The following IMMP2L variants were observed in gnomAD, a reference collection of about 807,000 sequenced individuals.
The protein encoded by IMMP2L is inner mitochondrial membrane peptidase subunit 2.
IMMP2L carries 18 observed loss-of-function variants against 19.3 expected under a neutral mutation model. The ratio of observed to expected loss-of-function variants is 0.93; its 90% CI spans 0.64 to 1.38. The LOEUF (loss-of-function observed/expected upper bound fraction) is 1.38. Ranked by LOEUF, IMMP2L falls within the 40% of genes most tolerant of loss-of-function variation. The probability of loss-of-function intolerance (pLI) is 0.00; values close to 1 mark genes in which losing one functional copy is unlikely to be tolerated. For synonymous variants in IMMP2L, 76 were observed against 73.0 expected (o/e 1.04, Z -0.21); for missense variants, 233 against 218.2 (o/e 1.07, Z -0.43).
At chr7:111,030,884 GTATATATATATATATATATATA>G (rs57774530) in intron 3 of IMMP2L, among the ~76,000 whole-genome samples, 59 of 127,100 alleles carry the variant, frequency 4.6e-4, no homozygotes, top group Non-Finnish European at 6.4e-4. Context: ...GTGTGTGTGT[GTATATATATATATATATATATA>G]TATATATATA....
At chr7:110,873,787 A>T (rs1282105549) in intron 5 of IMMP2L, among the ~76,000 whole-genome samples, 1 of 151,928 alleles carries the variant, frequency 6.6e-6, no homozygotes, top group East Asian at 1.9e-4. Context: ...GGAAAAAAAA[A>T]AAAAAAAGAA....
chr7:110,745,574 A>G (rs367653501), intron 5 of IMMP2L, among the ~76,000 whole-genome samples: 54 of 152,366 alleles, frequency 3.5e-4, no homozygotes, highest in Non-Finnish European at 2.9e-5. Context: ...CCTACAAGCC[A>G]GAAGAGAGTG....
chr7:110,944,174 A>G (rs567318276), intron 4 of IMMP2L, among the ~76,000 whole-genome samples: 3 of 152,110 alleles, frequency 2.0e-5, no homozygotes, highest in South Asian at 2.1e-4. Flanking sequence ...GGCTCCAAAA[A>G]TAAGTCATTG....
At chr7:111,255,983 A>G (rs1816651153) in intron 3 of IMMP2L, among the ~76,000 whole-genome samples, 1 of 152,100 alleles carries the variant, frequency 6.6e-6, no homozygotes, top group South Asian at 2.1e-4. Context: ...AAAACTTTTC[A>G]AAGATATTTA....
chr7:110,921,808 C>T (rs981044819), intron 4 of IMMP2L, among the ~76,000 whole-genome samples: 1 of 152,126 alleles, frequency 6.6e-6, no homozygotes, highest in Non-Finnish European at 1.5e-5. Context: ...ATATAAATTG[C>T]TCTGGCACAA....
chr7:111,012,645 A>G (rs1360494080), intron 3 of IMMP2L, among the ~76,000 whole-genome samples: 1 of 152,198 alleles, frequency 6.6e-6, no homozygotes, highest in Admixed American at 6.6e-5. Context: ...CTATTTATAC[A>G]TTACATATGT....
chr7:111,127,665 C>A (rs1459947704), intron 3 of IMMP2L, among the ~76,000 whole-genome samples: 1 of 152,010 alleles, frequency 6.6e-6, no homozygotes, highest in African/African-American at 2.4e-5. Flanking sequence ...TCAAAGTACT[C>A]AAACCATTTA....
In IMMP2L at chr7:111,126,524, T is replaced by G. The variant is rs146639634; in HGVS notation, c.240-162959A>C. 5.3e-3 allele frequency among the ~76,000 whole-genome samples: 812 copies of G among 152,312 alleles called. 13 individuals are homozygous for G. Among genetic ancestry groups the G allele is most frequent in the African/African-American group, 0.019 (779 of 41,578 alleles). The stretch of plus-strand genomic sequence containing the variant: ...AAGAAACAATTAAGAATTTAATTTT[T>G]TAGTCCAGTCCTCTAAAAATATATT... On this transcript the variant is annotated intron_variant, in intron 3 of 5. Transcript: ENST00000405709.
Position 110,760,752 on chromosome 7 carries a change from A to T in IMMP2L, c.409-97031T>A, listed in dbSNP as rs918777348. Among the ~76,000 whole-genome samples, 3 of 152,130 alleles carry T rather than the reference A, an allele frequency of 2.0e-5. No individual in the cohort carries two copies. The highest frequency in any genetic ancestry group is 4.4e-5 in the Non-Finnish European group (3 of 68,006). ...ACTTCAATACCTGGAATATCTCAAA[A>T]GGTTTGCTGACTATTGTTAACAGCT... On this transcript the variant is annotated intron_variant, in intron 5 of 5. Coordinates refer to ENST00000405709, the MANE Select transcript of IMMP2L (RefSeq NM_032549.4). The surrounding 1 kb of genome is among the most constrained non-coding windows in gnomAD (Gnocchi z 4.2).
intron 3 of IMMP2L, among the ~76,000 whole-genome samples, chr7:110,988,515 A>T (rs1256878234): frequency 6.6e-6 from 1 of 152,176 alleles, no homozygotes; most frequent in Non-Finnish European, 1.5e-5. Context: ...GCACAGGAAG[A>T]AAAGGAAAGC....
chr7:110,734,201 G>C (rs563280521), intron 5 of IMMP2L, among the ~76,000 whole-genome samples: 8 of 152,224 alleles, frequency 5.3e-5, no homozygotes, highest in Non-Finnish European at 1.2e-4. Context: ...GCTGTAAACA[G>C]AGTGTTGATC....
chr7:111,087,995 T>C (rs1305474062), intron 3 of IMMP2L, among the ~76,000 whole-genome samples: 3 of 152,170 alleles, frequency 2.0e-5, no homozygotes, highest in Non-Finnish European at 2.9e-5. Flanking sequence ...TGCACGATGA[T>C]ACTTAACAGA....
chr7:111,513,287 A>G (rs1845611216), intron 2 of IMMP2L, among the ~76,000 whole-genome samples: 1 of 152,150 alleles, frequency 6.6e-6, no homozygotes, highest in Non-Finnish European at 1.5e-5. Flanking sequence ...ACTTGATTTT[A>G]AAATAGGAAA....
chr7:111,389,643 A>T (rs2131314250), intron 3 of IMMP2L, among the ~76,000 whole-genome samples: 1 of 152,204 alleles, frequency 6.6e-6, no homozygotes, highest in Admixed American at 6.5e-5. Context: ...AAATTTTAAT[A>T]TTGAAAATTT....
chr7:111,008,581 A>C (rs1233598621), intron 3 of IMMP2L, among the ~76,000 whole-genome samples: 1 of 151,260 alleles, frequency 6.6e-6, no homozygotes, highest in African/African-American at 2.4e-5. Context: ...ACACACGTGC[A>C]CACACACACA....
chr7:110,824,543 A>G (rs1306023459), intron 5 of IMMP2L, among the ~76,000 whole-genome samples: 4 of 151,960 alleles, frequency 2.6e-5, no homozygotes, highest in South Asian at 2.1e-4. Flanking sequence ...TTATTTTTTA[A>G]TTTTGGTAAA....
chr7:111,323,767 T>C (rs955018251), intron 3 of IMMP2L, among the ~76,000 whole-genome samples: 5 of 151,956 alleles, frequency 3.3e-5, no homozygotes, highest in African/African-American at 1.2e-4. Context: ...ATAGACTGGA[T>C]AAAGAAAATG....
chr7:111,307,996 T>C (rs761776367), intron 3 of IMMP2L, among the ~76,000 whole-genome samples: 7 of 151,974 alleles, frequency 4.6e-5, no homozygotes, highest in Non-Finnish European at 4.4e-5. Flanking sequence ...AATAGAGATA[T>C]AGATTGAGAT....
chr7:110,793,625 G>A (rs1800630561), intron 5 of IMMP2L, among the ~76,000 whole-genome samples: 1 of 151,894 alleles, frequency 6.6e-6, no homozygotes, highest in African/African-American at 2.4e-5. Context: ...AAAGTATAAA[G>A]CTGCAGTTAT....
Sources: gnomAD v4.1 joint callset for allele counts (sites outside exome capture counted in the v4.1 genomes callset) on GRCh38, gnomAD v4.1.1 for gene constraint, Gnocchi (gnomAD v3.1) non-coding constraint, MANE v1.5 for transcripts, NCBI Gene and HGNC (gene_info 2026-07-23, HGNC 2026-07-21) for gene names.